The following SRGAP1 variants were observed in gnomAD, a reference collection of about 807,000 sequenced individuals.
SRGAP1 encodes the protein SLIT-ROBO Rho GTPase-activating protein 1.
SRGAP1 carries 43 observed loss-of-function variants against 121.9 expected under a neutral mutation model. The ratio of observed to expected loss-of-function variants is 0.35; its 90% CI spans 0.28 to 0.46. The LOEUF (loss-of-function observed/expected upper bound fraction) is 0.46. Ranked by LOEUF, SRGAP1 falls within the 20% of genes least tolerant of loss-of-function variation. The pLI, the probability that SRGAP1 is intolerant of heterozygous loss-of-function variation, is 1.00. For synonymous variants in SRGAP1, 447 were observed against 485.4 expected (o/e 0.92, Z 1.04); for missense variants, 1,102 against 1,350.9 (o/e 0.82, Z 2.89).
At chr12:63,872,350 A>G (rs751868820) in intron 1 of SRGAP1, among the ~76,000 whole-genome samples, 4 of 152,212 alleles carry the variant, frequency 2.6e-5, no homozygotes, top group Non-Finnish European at 5.9e-5. Flanking sequence ...AAGTGCATCC[A>G]TGAAAGCTCT....
intron 3 of SRGAP1, among the ~76,000 whole-genome samples, chr12:64,004,425 G>A (rs1321132590): frequency 6.6e-6 from 1 of 152,142 alleles, no homozygotes; most frequent in Non-Finnish European, 1.5e-5. Flanking sequence ...AGGCTGGAGT[G>A]CAGTGGCGTG....
chr12:64,063,796 G>C (rs2035491071), intron 7 of SRGAP1, among the ~76,000 whole-genome samples: 2 of 152,006 alleles, frequency 1.3e-5, no homozygotes, highest in Non-Finnish European at 1.5e-5. Flanking sequence ...AAAACTCATA[G>C]ATAAAAACTC....
At chr12:64,038,300 A>G (rs756517777) in intron 4 of SRGAP1, among the ~76,000 whole-genome samples, 11 of 152,262 alleles carry the variant, frequency 7.2e-5, no homozygotes, top group South Asian at 2.1e-4. Context: ...ATACATAGAT[A>G]TATATAGTAA....
At position 64,156,082 on chromosome 12, in the gene SRGAP1, T is replaced by A. The variant is rs1308098354; in HGVS notation, c.*13410T>A. ...TGAGGTTTAAAGAAATTATCTCTTG[T>A]AAAATCACACAGCTAACAATTGAGC... On this transcript the variant is annotated 3_prime_UTR_variant, in exon 22 of 22. Coordinates refer to ENST00000355086, the MANE Select transcript of SRGAP1 (RefSeq NM_020762.4). The A allele has an allele frequency of 6.6e-6, 1 of 152,238 alleles. No homozygotes were observed. Among genetic ancestry groups the A allele is most frequent in the Non-Finnish European group, 1.5e-5 (1 of 68,042 alleles). 9.4% of individuals were successfully genotyped at this position (152,238 alleles called of 1,614,324 possible).
chr12:64,094,215 T>A (rs1250676433), intron 12 of SRGAP1, among the ~76,000 whole-genome samples: 1 of 152,180 alleles, frequency 6.6e-6, no homozygotes, highest in African/African-American at 2.4e-5. Flanking sequence ...GCCCTTCATC[T>A]CATTTGTCAT....
At chr12:63,887,416 A>G (rs1239533093) in intron 1 of SRGAP1, 1 of 152,272 alleles carries the variant, frequency 6.6e-6, no homozygotes, top group Admixed American at 6.5e-5. Context: ...CCCTCTGGCC[A>G]TAAATTCCCC....
intron 18 of SRGAP1, among the ~76,000 whole-genome samples, chr12:64,117,652 A>G (rs947685504): frequency 2.0e-5 from 3 of 152,160 alleles, no homozygotes; most frequent in South Asian, 2.1e-4. Flanking sequence ...TTAAGTGTAC[A>G]GTACCTTAGT....
chr12:64,070,569 CTCAA>C (rs1321640059), intron 8 of SRGAP1, among the ~76,000 whole-genome samples: 1 of 152,178 alleles, frequency 6.6e-6, no homozygotes, highest in Non-Finnish European at 1.5e-5. Context: ...CCCATAATTT[CTCAA>C]TCAATTTGCG....
intron 1 of SRGAP1, among the ~76,000 whole-genome samples, chr12:63,936,886 G>A (rs1457053381): frequency 1.3e-5 from 2 of 152,070 alleles, no homozygotes; most frequent in African/African-American, 2.4e-5. Context: ...AAGTTAAAAG[G>A]ATACCACTTG....
chr12:64,111,124 A>G (rs1182491254), intron 16 of SRGAP1, among the ~76,000 whole-genome samples: 2 of 152,154 alleles, frequency 1.3e-5, no homozygotes, highest in Non-Finnish European at 2.9e-5. Context: ...ACAACTGGAA[A>G]TCTCCCCCAC....
chr12:63,844,864 G>A lies in SRGAP1; in HGVS notation c.48G>A (p.Glu16=). The change falls in exon 1 of 22, where the codon GAG becomes GAA. Residue 16 remains glutamate, a synonymous_variant. Coordinates refer to ENST00000355086, the MANE Select transcript of SRGAP1 (RefSeq NM_020762.4). This position sits in a 1 kb window ranked among gnomAD's most constrained non-coding sequence, Gnocchi z 4.3. ...RFKKDKEIIA[E]YESQVKEIRA... The stretch of plus-strand genomic sequence containing the variant: ...AGAAGGACAAAGAGATCATAGCCGA[G>A]TATGAAAGTCAAGTCAAAGGTAAGG... 6 of 1,614,186 alleles carry A rather than the reference G, an allele frequency of 3.7e-6. No homozygotes were observed. The highest frequency in any genetic ancestry group is 1.1e-5 in the South Asian group (1 of 91,078).
intron 3 of SRGAP1, among the ~76,000 whole-genome samples, chr12:63,993,302 C>T (rs566922578): frequency 6.6e-6 from 1 of 152,236 alleles, no homozygotes; most frequent in East Asian, 1.9e-4. Flanking sequence ...ACAAATTACT[C>T]CCACATGCTT....
chr12:64,085,933 C>A (rs532712817), intron 10 of SRGAP1, among the ~76,000 whole-genome samples: 1 of 152,168 alleles, frequency 6.6e-6, no homozygotes, highest in African/African-American at 2.4e-5. Context: ...CTGTTTCACC[C>A]TATTTAATCA....
chr12:64,097,226 T>TC lies in SRGAP1; in HGVS notation c.1679-15_1679-14insC, dbSNP rs777115626. ...GAAGCACTGTTAATGTAATGAGTTT[T>TC]TTTTTTTTTTTTAGGTGAAAATCCT... is the stretch of plus-strand genomic sequence containing the variant. On this transcript the variant is annotated splice_polypyrimidine_tract_variant and intron_variant, in intron 14 of 21. Transcript: ENST00000355086. 2 of 1,554,066 alleles carry TC rather than the reference T, an allele frequency of 1.3e-6. No homozygotes were observed. The highest frequency in any genetic ancestry group is 1.7e-6 in the Non-Finnish European group (2 of 1,157,702).
At chr12:63,855,622 G>A (rs1215616347) in intron 1 of SRGAP1, among the ~76,000 whole-genome samples, 1 of 151,092 alleles carries the variant, frequency 6.6e-6, no homozygotes, top group South Asian at 2.1e-4. Context: ...TCCCAAGTAG[G>A]GACTACAGGC....
chr12:63,989,575 A>G (rs989618125), intron 2 of SRGAP1, among the ~76,000 whole-genome samples: 1 of 152,214 alleles, frequency 6.6e-6, no homozygotes, highest in African/African-American at 2.4e-5. Flanking sequence ...ATGTAAACAT[A>G]AATTGCTTTC....
intron 4 of SRGAP1, among the ~76,000 whole-genome samples, chr12:64,041,774 G>A (rs1200694869): frequency 6.6e-6 from 1 of 151,046 alleles, no homozygotes; most frequent in African/African-American, 2.4e-5. Context: ...ATGTGTGTAT[G>A]TGTGTGTGTG....
intron 1 of SRGAP1, among the ~76,000 whole-genome samples, chr12:63,881,158 A>T (rs1900183126): frequency 1.3e-5 from 2 of 152,214 alleles, no homozygotes; most frequent in African/African-American, 2.4e-5. Flanking sequence ...TTGATATTAT[A>T]GATAGTAATT....
intron 1 of SRGAP1, among the ~76,000 whole-genome samples, chr12:63,948,536 T>A (rs2032125152): frequency 6.6e-6 from 1 of 152,146 alleles, no homozygotes; most frequent in Non-Finnish European, 1.5e-5. Context: ...TCACTTCTCC[T>A]ATGTTTTTGT....
Sources: allele counts gnomAD v4.1 joint callset (sites outside exome capture counted in the v4.1 genomes callset), GRCh38; gene constraint gnomAD v4.1.1; non-coding constraint Gnocchi (gnomAD v3.1); transcripts MANE v1.5; gene names NCBI Gene and HGNC (gene_info 2026-07-23, HGNC 2026-07-21).